Variants in HLTF observed in about 807,000 individuals in gnomAD.
HLTF encodes DNA-dependent ATPase/E3 ubiquitin-protein ligase HLTF.
HLTF carries 127 observed loss-of-function variants against 129.4 expected under a neutral mutation model. That is an observed-to-expected ratio of 0.98 (90% confidence interval 0.85 to 1.14). HLTF has a LOEUF of 1.14. Ranked by LOEUF, HLTF falls within the 50% of genes most tolerant of loss-of-function variation. HLTF has a pLI of 0.00. For missense variants in HLTF, 1,139 were observed against 1,187.1 expected (o/e 0.96, Z 0.60); for synonymous variants, 332 against 388.8 (o/e 0.85, Z 1.72).
intron 15 of HLTF, 57 bp from the exon 16 acceptor site, chr3:149,049,058 T>C (rs1716778266): frequency 7.6e-6 from 9 of 1,179,788 alleles, no homozygotes; most frequent in Non-Finnish European, 1.1e-5. Context: ...TAGTACTTAA[T>C]ATGATTTGCT....
chr3:149,063,668 C>G lies in HLTF; in HGVS notation c.1067-144G>C, dbSNP rs73013113. ...TCCTTTCATTACTCTATTTTCTCTA[C>G]TTTTTTCCTAATCTAGTATTTCCTC... On this transcript the variant is annotated intron_variant, in intron 9 of 24. Coordinates refer to ENST00000310053, the MANE Select transcript of HLTF (RefSeq NM_003071.4). 9.6e-3 allele frequency: 5,492 copies of G among 572,288 alleles called. 265 individuals carry two copies. Among genetic ancestry groups the G allele is most frequent in the African/African-American group, 0.095 (4,966 of 52,510 alleles). 35.5% of individuals were successfully genotyped at this position (572,288 alleles called of 1,614,324 possible).
intron 23 of HLTF, among the ~76,000 whole-genome samples, chr3:149,038,375 G>A (rs1715826802): frequency 6.6e-6 from 1 of 152,144 alleles, no homozygotes; most frequent in Non-Finnish European, 1.5e-5. Flanking sequence ...GAATAGCATA[G>A]CATAATAGTA....
intron 14 of HLTF, 37 bp downstream of exon 14, chr3:149,055,266 A>G: frequency 7.1e-7 from 1 of 1,399,146 alleles, no homozygotes; most frequent in South Asian, 1.2e-5. Context: ...GATAAAATAT[A>G]AATTATGTTA....
At chr3:149,035,656 CAAAAAAAAAAAAAAAAA>C in intron 23 of HLTF, among the ~76,000 whole-genome samples, 1 of 73,410 alleles carries the variant, frequency 1.4e-5, no homozygotes, top group Non-Finnish European at 2.4e-5. Flanking sequence ...GACTCCGTCT[CAAAAAAAAAAAAAAAAA>C]AAAAAAAAAA....
Position 149,048,895 on chromosome 3 carries a change from T to A in HLTF, c.1724A>T (p.Asp575Val), listed in dbSNP as rs746381891. Residue 575 changes from aspartate (D) to valine (V), a missense_variant, in exon 16 of 25, where the codon GAC (aspartate) becomes GTC (valine). Transcript: ENST00000310053. The part of the protein sequence containing the change: ...PNAQQTKAVL[D>V]LESERRWVLT... ...AACCCATCTTCTTTCTGATTCTAAGTCAAGTACAGCTTTTGTCTGCTGAGC... is the reference window on the plus strand; with the variant it reads ...AACCCATCTTCTTTCTGATTCTAAGACAAGTACAGCTTTTGTCTGCTGAGC... 2.5e-6 allele frequency: 4 copies of A among 1,613,598 alleles called. No individual in the cohort carries two copies. In the South Asian group the frequency reaches 4.4e-5, roughly 18 times the overall value.
In HLTF at chr3:149,055,287, G is replaced by A; in HGVS notation, c.1473+16C>T. 1 of 1,543,924 alleles carries A rather than the reference G, an allele frequency of 6.5e-7. No homozygotes were observed. The highest frequency in any genetic ancestry group is 2.2e-5 in the East Asian group (1 of 44,488). Reference sequence around the variant, plus strand: ...ATATAAATTATGTTACATTTTTAAAGGGCTTAAAGACTTACAATCCAGTTG... The same window carrying A: ...ATATAAATTATGTTACATTTTTAAAAGGCTTAAAGACTTACAATCCAGTTG... On this transcript the variant is annotated intron_variant, in intron 14 of 24. Coordinates refer to ENST00000310053, the MANE Select transcript of HLTF (RefSeq NM_003071.4).
At chr3:149,074,418 C>A in intron 3 of HLTF, 70 bp from the exon 4 acceptor site, 3 of 1,402,478 alleles carry the variant, frequency 2.1e-6, no homozygotes, top group Non-Finnish European at 1.9e-6. Flanking sequence ...AGAATTAGTT[C>A]AATATTTTAA....
At position 149,055,485 on chromosome 3, in the gene HLTF, A is replaced by C. The variant is rs1717358455; in HGVS notation, c.1376-85T>G. On this transcript the variant is annotated intron_variant, in intron 13 of 24. Coordinates refer to ENST00000310053, the MANE Select transcript of HLTF (RefSeq NM_003071.4). The stretch of plus-strand genomic sequence containing the variant: ...AAGGAGATGGCAATAATGTGCCTCC[A>C]TGAAAAGATAAATTAGGAACAATTA... 3.6e-6 allele frequency: 3 copies of C among 843,904 alleles called. No homozygotes were observed. In the East Asian group the frequency reaches 7.4e-5, roughly 21 times the overall value. The allele number at this position is 843,904 out of a possible 1,614,324, so 52.3% of individuals were successfully genotyped here. A position where few individuals can be genotyped will look rare whatever the true frequency, so the allele number is the denominator to read the frequency against.
chr3:149,043,720 T>C (rs1336954492), intron 18 of HLTF, among the ~76,000 whole-genome samples: 1 of 152,118 alleles, frequency 6.6e-6, no homozygotes, highest in African/African-American at 2.4e-5. Context: ...GCCTAACGGC[T>C]AAGAGTACAA....
chr3:149,067,434 G>T (rs1242552913), intron 8 of HLTF, among the ~76,000 whole-genome samples: 1 of 152,128 alleles, frequency 6.6e-6, no homozygotes, highest in East Asian at 1.9e-4. Context: ...TTACATAATA[G>T]TAAGTTTTAT....
chr3:149,073,416 G>A (rs1719041796), intron 4 of HLTF, 94 bp from the exon 5 acceptor site: 1 of 855,236 alleles, frequency 1.2e-6, no homozygotes, highest in Middle Eastern at 3.4e-4. Context: ...TAACAGGGCT[G>A]GGTGCTGTGG....
chr3:149,049,886 G>A (rs762284991), intron 15 of HLTF, among the ~76,000 whole-genome samples: 1 of 152,028 alleles, frequency 6.6e-6, no homozygotes, highest in Admixed American at 6.5e-5. Flanking sequence ...CAGCTACTTG[G>A]GAGGCTGAGG....
chr3:149,069,919 A>G (rs188659509), intron 7 of HLTF, among the ~76,000 whole-genome samples: 13 of 152,334 alleles, frequency 8.5e-5, no homozygotes, highest in African/African-American at 2.4e-4. Flanking sequence ...ATCAGTGGTA[A>G]TATTAATGAA....
At chr3:149,043,171 T>TTTTTTTTTTTTG (rs1716268449) in intron 18 of HLTF, among the ~76,000 whole-genome samples, 1 of 150,558 alleles carries the variant, frequency 6.6e-6, no homozygotes, top group Non-Finnish European at 1.5e-5. Flanking sequence ...AGATGAAAGA[T>TTTTTTTTTTTTG]GAGCTGGTAT....
chr3:149,046,177 G>A lies in HLTF; in HGVS notation c.1975C>T (p.Pro659Ser), dbSNP rs377004804. Residue 659 changes from proline to serine, a missense_variant, in exon 18 of 25, where the codon CCA becomes TCA. Transcript: ENST00000310053. ...KIKGKPVLEL[P>S]ERKVFIQHIT... Reference sequence around the variant, plus strand: ...TGCTGAATAAATACTTTACGTTCTGGTAACTCCAAAACAGGTTTTCCTTTA... The same window carrying A: ...TGCTGAATAAATACTTTACGTTCTGATAACTCCAAAACAGGTTTTCCTTTA... 4.0e-5 allele frequency: 64 copies of A among 1,608,446 alleles called. No individual in the cohort carries two copies. In the South Asian group the frequency reaches 5.2e-4, roughly 13 times the overall value.
intron 13 of HLTF, 93 bp from the exon 14 acceptor site, chr3:149,055,493 A>C: frequency 1.3e-6 from 1 of 799,404 alleles, no homozygotes; most frequent in Non-Finnish European, 2.1e-6. Flanking sequence ...CCATGAAAAG[A>C]TAAATTAGGA....
At position 149,086,440 on chromosome 3, in the gene HLTF, C is replaced by CAAAGGAA. The variant is rs1479561233; in HGVS notation, c.-105_-104insTTCCTTT. On this transcript the variant is annotated 5_prime_UTR_variant, in exon 1 of 25. Transcript: ENST00000310053. ...GGCCCCGCAGCCCTGAAGCCGGGGA[C>CAAAGGAA]AAATTCCGAGCGCCGGATCAGGAGC... 56 of 1,381,322 alleles carry CAAAGGAA rather than the reference C, an allele frequency of 4.1e-5. No individual in the cohort carries two copies. Among genetic ancestry groups the CAAAGGAA allele is most frequent in the Non-Finnish European group, 5.6e-5 (56 of 1,000,548 alleles). 85.6% of individuals were successfully genotyped at this position (1,381,322 alleles called of 1,614,324 possible). A position where few individuals can be genotyped will look rare whatever the true frequency, so the allele number is the denominator to read the frequency against.
rs1182453289 is a variant in HLTF, at chr3:149,076,868, C to A, written c.229-821G>T. On this transcript the variant is annotated intron_variant, in intron 2 of 24. Coordinates refer to ENST00000310053, the MANE Select transcript of HLTF (RefSeq NM_003071.4). ...CACTGAGAACTAAATCAAAGGCTTG[C>A]AGAAATCTGGGTAACATTTATTCAA... is the stretch of plus-strand genomic sequence containing the variant. Among the ~76,000 whole-genome samples, 5 of 152,102 alleles carry A rather than the reference C, an allele frequency of 3.3e-5. No homozygotes were observed. The South Asian group carries it at 1.0e-3, about 32-fold the overall frequency.
intron 17 of HLTF, among the ~76,000 whole-genome samples, chr3:149,046,974 C>A (rs1716598181): frequency 6.6e-6 from 1 of 152,180 alleles, no homozygotes; most frequent in African/African-American, 2.4e-5. Flanking sequence ...CTCACTATAA[C>A]TCACAGTAAG....
Sources: gnomAD v4.1 joint callset for allele counts (sites outside exome capture counted in the v4.1 genomes callset) on GRCh38, gnomAD v4.1.1 for gene constraint, MANE v1.5 for transcripts, NCBI Gene and HGNC (gene_info 2026-07-23, HGNC 2026-07-21) for gene names.